Variants in SEMA6D observed in about 807,000 individuals in gnomAD.
SEMA6D encodes semaphorin 6D.
A neutral mutation model predicts 106.6 loss-of-function variants in SEMA6D; 35 were observed. That is an observed-to-expected ratio of 0.33 (90% CI 0.25 to 0.44). The LOEUF is 0.44. Ranked by LOEUF, SEMA6D falls within the 20% of genes least tolerant of loss-of-function variation. The pLI, the probability that SEMA6D is intolerant of heterozygous loss-of-function variation, is 1.00. For missense variants in SEMA6D, 1,185 were observed against 1,345.9 expected (o/e 0.88, Z 1.87); for synonymous variants, 499 against 487.7 (o/e 1.02, Z -0.31).
chr15:47,374,143 C>T (rs965894671), intron 1 of SEMA6D, among the ~76,000 whole-genome samples: 19 of 152,142 alleles, frequency 1.2e-4, no homozygotes, highest in Non-Finnish European at 2.4e-4. Flanking sequence ...ATATTAAGTA[C>T]GTATGTTAAT....
At chr15:47,191,829 C>T (rs1056040263) in intron 1 of SEMA6D, among the ~76,000 whole-genome samples, 14 of 152,074 alleles carry the variant, frequency 9.2e-5, no homozygotes, top group African/African-American at 2.9e-4. Context: ...TTTCAGGTGA[C>T]GAAGCAGTAG....
chr15:47,552,828 T>A (rs184593576), intron 3 of SEMA6D, among the ~76,000 whole-genome samples: 195 of 49,916 alleles, frequency 3.9e-3, no homozygotes, highest in African/African-American at 0.013. Flanking sequence ...ATATATATAT[T>A]TTTATATATA....
chr15:47,202,817 A>G (rs1894812888), intron 1 of SEMA6D, among the ~76,000 whole-genome samples: 1 of 152,104 alleles, frequency 6.6e-6, no homozygotes, highest in Admixed American at 6.6e-5. Flanking sequence ...AGACCCTTAC[A>G]GATTTTTAGC....
chr15:47,336,165 G>T (rs760636956), intron 1 of SEMA6D, among the ~76,000 whole-genome samples: 1 of 152,218 alleles, frequency 6.6e-6, no homozygotes, highest in Non-Finnish European at 1.5e-5. Context: ...ATGTGATTAT[G>T]AAGTTGGTAT....
chr15:47,731,499 A>G (rs1375158738), intron 1 of SEMA6D, among the ~76,000 whole-genome samples: 1 of 152,168 alleles, frequency 6.6e-6, no homozygotes, highest in Non-Finnish European at 1.5e-5. Context: ...AAAAAGGGAG[A>G]GTGTATGGTA....
intron 1 of SEMA6D, among the ~76,000 whole-genome samples, chr15:47,198,884 A>G (rs1046129131): frequency 2.6e-5 from 4 of 152,150 alleles, no homozygotes; most frequent in African/African-American, 9.7e-5. Flanking sequence ...CTTCTCTGAA[A>G]CACCTAAGGG....
intron 13 of SEMA6D, 73 bp downstream of exon 13, chr15:47,765,129 C>A: frequency 6.5e-7 from 1 of 1,549,398 alleles, no homozygotes; most frequent in Non-Finnish European, 8.7e-7. Flanking sequence ...CTAGTCATGT[C>A]CTTTTGGTCC....
chr15:47,710,558 C>G (rs1261032512), intron 4 of SEMA6D, among the ~76,000 whole-genome samples: 2 of 152,096 alleles, frequency 1.3e-5, no homozygotes, highest in East Asian at 3.9e-4. Context: ...ACGCCTTAAA[C>G]AGAAACTCTT....
chr15:47,209,556 T>G (rs749603603), intron 1 of SEMA6D, among the ~76,000 whole-genome samples: 1 of 152,250 alleles, frequency 6.6e-6, no homozygotes, highest in Non-Finnish European at 1.5e-5. Flanking sequence ...ATTAATTTAT[T>G]CACTGCTACG....
chr15:47,431,131 A>G (rs2041507814), intron 2 of SEMA6D, among the ~76,000 whole-genome samples: 2 of 152,150 alleles, frequency 1.3e-5, no homozygotes, highest in South Asian at 4.1e-4. Flanking sequence ...CAGACATGAA[A>G]ACTATTGGGC....
intron 1 of SEMA6D, among the ~76,000 whole-genome samples, chr15:47,720,636 G>A (rs1007373245): frequency 2.6e-5 from 4 of 152,122 alleles, no homozygotes; most frequent in Admixed American, 6.5e-5. Context: ...GGTTTCTGTC[G>A]CTTGAAAGGC....
intron 4 of SEMA6D, among the ~76,000 whole-genome samples, chr15:47,645,085 A>G (rs1330352396): frequency 6.6e-6 from 1 of 152,118 alleles, no homozygotes; most frequent in Admixed American, 6.5e-5. Context: ...CAGGAAAGAG[A>G]GCATGTGGGT....
chr15:47,572,979 C>T (rs1275834315), intron 3 of SEMA6D, among the ~76,000 whole-genome samples: 1 of 151,582 alleles, frequency 6.6e-6, no homozygotes, highest in Non-Finnish European at 1.5e-5. Context: ...TTTTTCAATG[C>T]TTGACACTTG....
At chr15:47,633,196 G>A (rs1315386186) in intron 4 of SEMA6D, among the ~76,000 whole-genome samples, 1 of 151,982 alleles carries the variant, frequency 6.6e-6, no homozygotes, top group Admixed American at 6.6e-5. Flanking sequence ...TTATTCTTAT[G>A]TTATATTTAC....
At chr15:47,763,748 T>C in intron 9 of SEMA6D, 102 bp from the exon 10 acceptor site, 1 of 997,322 alleles carries the variant, frequency 1.0e-6, no homozygotes, top group South Asian at 1.4e-5. Flanking sequence ...TTGAACCAGA[T>C]GTATCTTTAG....
At chr15:47,407,253 C>T (rs926819194) in intron 1 of SEMA6D, among the ~76,000 whole-genome samples, 1 of 151,098 alleles carries the variant, frequency 6.6e-6, no homozygotes, top group Non-Finnish European at 1.5e-5. Context: ...CCTGTAATCC[C>T]AGCTACTTGG....
intron 3 of SEMA6D, among the ~76,000 whole-genome samples, chr15:47,593,952 G>A (rs1186160680): frequency 2.0e-5 from 3 of 152,102 alleles, no homozygotes; most frequent in Non-Finnish European, 4.4e-5. Context: ...GTCAGCTCCC[G>A]CCAGACCCCC....
intron 1 of SEMA6D, among the ~76,000 whole-genome samples, chr15:47,405,661 G>A (rs1328376714): frequency 3.3e-5 from 5 of 152,134 alleles, no homozygotes; most frequent in East Asian, 1.9e-4. Context: ...GCCTGAAGGC[G>A]TGCCTCTTCT....
At chr15:47,257,927 G>T (rs184455899) in intron 1 of SEMA6D, among the ~76,000 whole-genome samples, 7 of 152,048 alleles carry the variant, frequency 4.6e-5, no homozygotes, top group Admixed American at 3.3e-4. Context: ...GTATTTTGAG[G>T]TTATGTTTTT....
Sources: allele counts gnomAD v4.1 joint callset (sites outside exome capture counted in the v4.1 genomes callset), GRCh38; gene constraint gnomAD v4.1.1; transcripts MANE v1.5; gene names NCBI Gene and HGNC (gene_info 2026-07-23, HGNC 2026-07-21).